HS6ST3: variants seen among roughly 807,000 people sequenced by gnomAD.
HS6ST3 encodes the protein heparan sulfate 6-O-sulfotransferase 3, also known as heparan-sulfate 6-O-sulfotransferase 3.
A neutral mutation model predicts 36.7 loss-of-function variants in HS6ST3; 12 were observed. The ratio of observed to expected loss-of-function variants is 0.33; its 90% CI spans 0.21 to 0.53. The LOEUF (loss-of-function observed/expected upper bound fraction) is 0.53. Ranked by LOEUF, HS6ST3 falls within the 20% of genes least tolerant of loss-of-function variation. The pLI is 0.95. For missense variants in HS6ST3, 584 were observed against 640.9 expected (o/e 0.91, Z 0.96); for synonymous variants, 240 against 257.5 (o/e 0.93, Z 0.65).
chr13:96,831,351 A>G (rs1878775955), intron 1 of HS6ST3, among the ~76,000 whole-genome samples: 1 of 152,206 alleles, frequency 6.6e-6, no homozygotes, highest in South Asian at 2.1e-4. Flanking sequence ...ATTACAATGT[A>G]AATACCAATA....
chr13:96,303,490 AT>A (rs1323645329), intron 1 of HS6ST3, among the ~76,000 whole-genome samples: 2 of 152,202 alleles, frequency 1.3e-5, no homozygotes, highest in Non-Finnish European at 2.9e-5. Flanking sequence ...ATTCATTTCA[AT>A]AGCAAATATT....
intron 1 of HS6ST3, among the ~76,000 whole-genome samples, chr13:96,094,914 C>T (rs929169714): frequency 6.6e-6 from 1 of 152,136 alleles, no homozygotes; most frequent in Non-Finnish European, 1.5e-5. Flanking sequence ...CATTCTTTCT[C>T]ACTCTCTTTA....
chr13:96,572,729 C>A (rs2056305289), intron 1 of HS6ST3, among the ~76,000 whole-genome samples: 1 of 152,052 alleles, frequency 6.6e-6, no homozygotes, highest in Non-Finnish European at 1.5e-5. Flanking sequence ...AACTCTAAAG[C>A]CTAAACTGTT....
chr13:96,252,606 C>T (rs1236057374), intron 1 of HS6ST3, among the ~76,000 whole-genome samples: 4 of 152,144 alleles, frequency 2.6e-5, no homozygotes, highest in Non-Finnish European at 4.4e-5. Context: ...CTCAGATACG[C>T]ACTTTTGTTG....
At chr13:96,145,297 A>G (rs2054052188) in intron 1 of HS6ST3, among the ~76,000 whole-genome samples, 1 of 150,630 alleles carries the variant, frequency 6.6e-6, no homozygotes, top group South Asian at 2.1e-4. Context: ...CTATTTCTCC[A>G]CATCCTCTCC....
chr13:96,631,705 A>G (rs146767043), intron 1 of HS6ST3, among the ~76,000 whole-genome samples: 231 of 152,308 alleles, frequency 1.5e-3, no homozygotes, highest in African/African-American at 5.3e-3. Flanking sequence ...TTTCTTAACA[A>G]CTCAAGGTTT....
At chr13:96,527,320 C>T (rs1205129182) in intron 1 of HS6ST3, among the ~76,000 whole-genome samples, 1 of 151,998 alleles carries the variant, frequency 6.6e-6, no homozygotes, top group Non-Finnish European at 1.5e-5. Context: ...AATAGCATAT[C>T]AACAGTGTTT....
chr13:96,302,848 G>A (rs2054890653), intron 1 of HS6ST3, among the ~76,000 whole-genome samples: 1 of 151,980 alleles, frequency 6.6e-6, no homozygotes, highest in Non-Finnish European at 1.5e-5. Flanking sequence ...CTTGTTTTAA[G>A]GTTCTATATA....
Position 96,554,940 on chromosome 13 carries a change from G to A in HS6ST3, c.708-277550G>A, listed in dbSNP as rs545152290. Among the ~76,000 whole-genome samples the A allele has an allele frequency of 4.9e-4, 74 of 151,976 alleles. 1 individual carries two copies. Among genetic ancestry groups the A allele is most frequent in the Admixed American group, 1.8e-3 (28 of 15,240 alleles). The stretch of plus-strand genomic sequence containing the variant: ...CAAAACATACAAAAAATTAATCTGG[G>A]TGTGTGTTGTACACCTGTAGTTCCA... On this transcript the variant is annotated intron_variant, in intron 1 of 1. Coordinates refer to ENST00000376705, the MANE Select transcript of HS6ST3 (RefSeq NM_153456.4).
chr13:96,429,371 A>G (rs2055603584), intron 1 of HS6ST3, among the ~76,000 whole-genome samples: 1 of 152,246 alleles, frequency 6.6e-6, no homozygotes, highest in South Asian at 2.1e-4. Flanking sequence ...ATACCAAGTT[A>G]CTATTCCACT....
At chr13:96,211,857 C>T (rs928115064) in intron 1 of HS6ST3, among the ~76,000 whole-genome samples, 2 of 152,144 alleles carry the variant, frequency 1.3e-5, no homozygotes, top group Admixed American at 1.3e-4. Context: ...GTCAAGAAAA[C>T]ACAAAACCTT....
intron 1 of HS6ST3, among the ~76,000 whole-genome samples, chr13:96,350,519 G>A (rs926958089): frequency 1.3e-5 from 2 of 152,208 alleles, no homozygotes; most frequent in African/African-American, 4.8e-5. Flanking sequence ...TATGTTTCCA[G>A]AATTAGAATC....
At chr13:96,484,618 G>A (rs1212706141) in intron 1 of HS6ST3, among the ~76,000 whole-genome samples, 1 of 152,078 alleles carries the variant, frequency 6.6e-6, no homozygotes, top group East Asian at 1.9e-4. Context: ...TCTGTGTCTG[G>A]CTTATTTCAC....
chr13:96,128,865 T>TTTTTTTTA (rs1376093401), intron 1 of HS6ST3, among the ~76,000 whole-genome samples: 33 of 151,576 alleles, frequency 2.2e-4, no homozygotes, highest in African/African-American at 7.6e-4. Flanking sequence ...TTTTTTTTTT[T>TTTTTTTTA]GGCGGAGTTT....
chr13:96,574,126 C>T (rs757767122), intron 1 of HS6ST3: 16 of 537,452 alleles, frequency 3.0e-5, no homozygotes, highest in South Asian at 5.5e-5. Context: ...TCAGGGAATA[C>T]GTTAGCCATT....
chr13:96,260,507 G>A (rs2054660360), intron 1 of HS6ST3, among the ~76,000 whole-genome samples: 1 of 151,422 alleles, frequency 6.6e-6, no homozygotes, highest in African/African-American at 2.4e-5. Flanking sequence ...TAGAGACGGG[G>A]TTTCACCATG....
At chr13:96,458,363 G>A (rs1056005880) in intron 1 of HS6ST3, among the ~76,000 whole-genome samples, 1 of 152,036 alleles carries the variant, frequency 6.6e-6, no homozygotes, top group Admixed American at 6.6e-5. Flanking sequence ...CACTACATCC[G>A]ATTTGTGATG....
intron 1 of HS6ST3, among the ~76,000 whole-genome samples, chr13:96,247,700 C>A (rs1422796167): frequency 6.6e-6 from 1 of 152,090 alleles, no homozygotes; most frequent in Non-Finnish European, 1.5e-5. Context: ...GGCTTCCTCT[C>A]TTCTTTCCTC....
chr13:96,304,715 T>TTTCTTTCTTTCTTTC (rs1456749452), intron 1 of HS6ST3, among the ~76,000 whole-genome samples: 1 of 28,882 alleles, frequency 3.5e-5, no homozygotes, highest in Non-Finnish European at 7.2e-5. Flanking sequence ...TTCTTTCTTT[T>TTTCTTTCTTTCTTTC]TTTTTTTTTT....
Sources: gnomAD v4.1 joint callset for allele counts (sites outside exome capture counted in the v4.1 genomes callset) on GRCh38, gnomAD v4.1.1 for gene constraint, MANE v1.5 for transcripts, NCBI Gene and HGNC (gene_info 2026-07-23, HGNC 2026-07-21) for gene names.